The following CTSE variants were observed in gnomAD, a reference collection of about 807,000 sequenced individuals.
CTSE encodes cathepsin E.
In CTSE, 43 loss-of-function variants were observed where a neutral mutation model predicts 42.8. The observed-to-expected ratio is 1.01, with a 90% CI of 0.79 to 1.30. The LOEUF (loss-of-function observed/expected upper bound fraction) is 1.30, where lower values mean the gene tolerates loss of function less well. Ranked by LOEUF, CTSE falls within the 50% of genes most tolerant of loss-of-function variation. The probability of loss-of-function intolerance (pLI) is 0.00; values close to 1 mark genes in which losing one functional copy is unlikely to be tolerated. For missense variants in CTSE, 532 were observed against 493.5 expected (o/e 1.08, Z -0.74); for synonymous variants, 205 against 191.5 (o/e 1.07, Z -0.58).
At chr1:206,022,380 T>C (rs1661465794) in intron 2 of CTSE, 113 bp from the exon 3 acceptor site, 3 of 677,726 alleles carry the variant, frequency 4.4e-6, no homozygotes, top group Non-Finnish European at 5.1e-6. Flanking sequence ...TAATACAGAC[T>C]GGAGTTTACA....
intron 4 of CTSE, among the ~76,000 whole-genome samples, chr1:206,019,752 T>A (rs1283883097): frequency 2.0e-5 from 3 of 146,344 alleles, no homozygotes; most frequent in Non-Finnish European, 4.5e-5. Flanking sequence ...ATATATAACA[T>A]AATATATACA....
chr1:206,023,206 C>T (rs568190026), intron 1 of CTSE, 149 bp from the exon 2 acceptor site: 59 of 815,196 alleles, frequency 7.2e-5, no homozygotes, highest in Middle Eastern at 3.6e-4. Context: ...GTGGGATCAG[C>T]GTCCTCTCTG....
At chr1:206,023,108 C>A (rs1553278742) in intron 1 of CTSE, 51 bp from the exon 2 acceptor site, 1 of 1,589,264 alleles carries the variant, frequency 6.3e-7, no homozygotes, top group East Asian at 2.2e-5. Flanking sequence ...CCTCCCTCTT[C>A]CCCCCATTCT....
At chr1:206,013,363 C>G (rs1273058463) in intron 6 of CTSE, among the ~76,000 whole-genome samples, 1 of 152,010 alleles carries the variant, frequency 6.6e-6, no homozygotes, top group Non-Finnish European at 1.5e-5. Flanking sequence ...TCTCTTGGAG[C>G]ACTGACCACC....
At position 206,010,225 on chromosome 1, in the gene CTSE, G is replaced by A. The variant is rs369584503; in HGVS notation, c.1149C>T (p.Asp383=). The A allele has an allele frequency of 2.5e-6, 4 of 1,613,656 alleles. 1 individual carries two copies. Among genetic ancestry groups the A allele is most frequent in the Non-Finnish European group, 3.4e-6 (4 of 1,179,816 alleles). ...VFIRQFYSVF[D]RGNNRVGLAP... Reference sequence around the variant, plus strand: ...CCAGTCCCACACGGTTATTCCCACGGTCAAAGACTGAGTAAAACTGTCGAA... The same window carrying A: ...CCAGTCCCACACGGTTATTCCCACGATCAAAGACTGAGTAAAACTGTCGAA... The change falls in exon 9 of 9, where the codon GAC becomes GAT. Residue 383 remains aspartate, a synonymous_variant. Transcript: ENST00000358184.
chr1:206,023,222 C>T (rs1379417971), intron 1 of CTSE, among the ~76,000 whole-genome samples, 165 bp from the exon 2 acceptor site: 5 of 151,942 alleles, frequency 3.3e-5, no homozygotes, highest in Non-Finnish European at 5.9e-5. Context: ...CTCTGCCACT[C>T]AGCCTGCCCG....
At chr1:206,019,987 T>C (rs1553278153) in intron 4 of CTSE, among the ~76,000 whole-genome samples, 2 of 144,402 alleles carry the variant, frequency 1.4e-5, no homozygotes, top group Non-Finnish European at 3.0e-5. Context: ...TTATATATTA[T>C]ATAACATATA....
At chr1:206,016,674 A>T (rs959236469) in intron 4 of CTSE, among the ~76,000 whole-genome samples, 1 of 152,126 alleles carries the variant, frequency 6.6e-6, no homozygotes, top group African/African-American at 2.4e-5. Flanking sequence ...ATGACCTGGC[A>T]CTATTTAATA....
rs376968438 is a variant in CTSE, at chr1:206,012,715, T to C, written c.786-66A>G. 6.5e-5 allele frequency: 103 copies of C among 1,575,446 alleles called. 1 individual carries two copies. Among genetic ancestry groups the C allele is most frequent in the East Asian group, 5.6e-4 (25 of 44,496 alleles). ...CGGCTCCTAGGAAACTCCCACTCTT[T>C]TTTGGCCTCTCAAATGCCTGGAGCA... On this transcript the variant is annotated intron_variant, in intron 6 of 8. Transcript: ENST00000358184.
intron 1 of CTSE, 35 bp from the exon 2 acceptor site, chr1:206,023,092 C>T: frequency 6.9e-7 from 1 of 1,446,322 alleles, no homozygotes; most frequent in Non-Finnish European, 9.3e-7. Flanking sequence ...AGGAGATGTA[C>T]TTCTGCCTCC....
chr1:206,011,748 A>G (rs28590594), intron 8 of CTSE, among the ~76,000 whole-genome samples: 28,094 of 151,864 alleles, frequency 0.18, 2,871 homozygotes, highest in Middle Eastern at 0.23. Context: ...ATTCAGACCA[A>G]CTGTGGTGTG....
rs2102268545 is a variant in CTSE, at chr1:206,013,752, A to G, written c.785+20T>C. 1 of 1,612,122 alleles carries G rather than the reference A, an allele frequency of 6.2e-7. No homozygotes were observed. Among genetic ancestry groups the G allele is most frequent in the East Asian group, 2.2e-5 (1 of 44,846 alleles). On this transcript the variant is annotated intron_variant, in intron 6 of 8. Transcript: ENST00000358184. ...TCAGTTTACCCCTAGTACTGTCACT[A>G]CTTCATGGGGAATACTCACTTATCC...
rs140545836 is a variant in CTSE at position 206,021,068 on chromosome 1, A to G, written c.443T>C (p.Ile148Thr). The change falls in exon 4 of 9, where the codon ATT (isoleucine) becomes ACT (threonine). Residue 148 changes from isoleucine to threonine, a missense_variant. By Grantham distance (89) the Ile-to-Thr change is moderately conservative (BLOSUM62 -1). Coordinates refer to ENST00000358184, the MANE Select transcript of CTSE (RefSeq NM_001910.4). ...ACTCACAGAGACTTGGTCGGCTCCA[A>G]TGATCCCGGACAAGCTCCCGGTTCC... ...QYGTGSLSGIIGADQVSVEGL... is the reference protein window; with the variant it reads ...QYGTGSLSGITGADQVSVEGL... 5.4e-4 allele frequency: 865 copies of G among 1,611,934 alleles called. 3 individuals are homozygous for G. The highest frequency in any genetic ancestry group is 2.2e-3 in the African/African-American group (162 of 75,024).
chr1:206,023,168 G>GCA (rs1661500306), intron 1 of CTSE, 111 bp from the exon 2 acceptor site: 1 of 433,982 alleles, frequency 2.3e-6, no homozygotes, highest in Non-Finnish European at 4.6e-6. Flanking sequence ...GGGAGGGGGG[G>GCA]ATCTGCAAGA....
chr1:206,015,833 G>C lies in CTSE; in HGVS notation c.662+98C>G, dbSNP rs1259591733. ...GATCACACAGCTGGTAATGGACCAA[G>C]CTACCTAAACCAGGTCTTTTGACTG... On this transcript the variant is annotated intron_variant, in intron 5 of 8. Transcript: ENST00000358184. 4.8e-6 allele frequency: 5 copies of C among 1,042,328 alleles called. No individual in the cohort carries two copies. In the African/African-American group the frequency reaches 6.3e-5, roughly 13 times the overall value. 64.6% of individuals were successfully genotyped at this position (1,042,328 alleles called of 1,614,324 possible).
At position 206,010,364 on chromosome 1, in the gene CTSE, A is replaced by G. The variant is rs782601424; in HGVS notation, c.1027-17T>C. The G allele has an allele frequency of 6.2e-7, 1 of 1,607,952 alleles. No homozygotes were observed. Among genetic ancestry groups the G allele is most frequent in the South Asian group, 1.1e-5 (1 of 90,952 alleles). On this transcript the variant is annotated splice_polypyrimidine_tract_variant and intron_variant, in intron 8 of 8. Transcript: ENST00000358184. Reference sequence around the variant, plus strand: ...CACGAAGTCCTGTGGGTTGGAAAGAAGGATGCAAATGACAAACGGGGGAAG... The same window carrying G: ...CACGAAGTCCTGTGGGTTGGAAAGAGGGATGCAAATGACAAACGGGGGAAG...
At position 206,023,017 on chromosome 1, in the gene CTSE, G is replaced by A. The variant is rs141663034; in HGVS notation, c.109C>T (p.Arg37Trp). 1.1e-4 allele frequency: 178 copies of A among 1,612,960 alleles called. No individual in the cohort carries two copies. In the Middle Eastern group the frequency reaches 4.9e-3, roughly 45 times the overall value. Residue 37 changes from arginine to tryptophan, a missense_variant, in exon 2 of 9, where the codon CGG becomes TGG. Physicochemically the swap from Arg to Trp is moderately radical, Grantham distance 101 (BLOSUM62 -3). Coordinates refer to ENST00000358184, the MANE Select transcript of CTSE (RefSeq NM_001910.4). Reference protein sequence around the residue: ...RRHPSLKKKLRARSQLSEFWK... With the variant: ...RRHPSLKKKLWARSQLSEFWK... Reference sequence around the variant, plus strand: ...AACTCAGAGAGCTGGCTCCGTGCCCGCAGCTTCTTCTTGAGGGACGGATGC... The same window carrying A: ...AACTCAGAGAGCTGGCTCCGTGCCCACAGCTTCTTCTTGAGGGACGGATGC...
chr1:206,019,771 A>G (rs1007985710), intron 4 of CTSE, among the ~76,000 whole-genome samples: 22 of 145,392 alleles, frequency 1.5e-4, no homozygotes, highest in African/African-American at 5.2e-4. Context: ...CACATTACAT[A>G]TATATTGTGT....
At chr1:206,020,435 G>A (rs1404026178) in intron 4 of CTSE, among the ~76,000 whole-genome samples, 2 of 151,930 alleles carry the variant, frequency 1.3e-5, no homozygotes, top group African/African-American at 4.8e-5. Flanking sequence ...TTCTCCCAAG[G>A]CCCAGGCATA....
Sources: allele counts gnomAD v4.1 joint callset (sites outside exome capture counted in the v4.1 genomes callset), GRCh38; gene constraint gnomAD v4.1.1; transcripts MANE v1.5; gene names NCBI Gene and HGNC (gene_info 2026-07-23, HGNC 2026-07-21).